C1orf35: variants seen among roughly 807,000 people sequenced by gnomAD.
The protein encoded by C1orf35 is chromosome 1 open reading frame 35, also known as multiple myeloma tumor-associated protein 2.
In C1orf35, 36 loss-of-function variants were observed where a neutral mutation model predicts 30.9. That is an observed-to-expected ratio of 1.16 (90% confidence interval 0.89 to 1.54). The LOEUF (loss-of-function observed/expected upper bound fraction) is 1.54, where lower values mean the gene tolerates loss of function less well. Ranked by LOEUF, C1orf35 falls within the 40% of genes most tolerant of loss-of-function variation. C1orf35 has a pLI of 0.00. For missense variants in C1orf35, 396 were observed against 358.7 expected, an observed-to-expected ratio of 1.10 and a Z score of -0.84; for synonymous variants, 179 against 148.2, an observed-to-expected ratio of 1.21 and a Z score of -1.51.
In C1orf35 at chr1:228,102,637, A is replaced by G; in HGVS notation, c.291+6T>C. On this transcript the variant is annotated splice_donor_region_variant and intron_variant, in intron 3 of 7. Transcript: ENST00000272139. ...CCTCCACGCGCCCCCCACCCCGGGGAGTTACCTCCTTGCTCAGGCCCGTGG... is the reference window on the plus strand; with the variant it reads ...CCTCCACGCGCCCCCCACCCCGGGGGGTTACCTCCTTGCTCAGGCCCGTGG... The G allele has an allele frequency of 6.2e-7, 1 of 1,602,742 alleles. No homozygotes were observed. Among genetic ancestry groups the G allele is most frequent in the Non-Finnish European group, 8.5e-7 (1 of 1,176,530 alleles).
intron 4 of C1orf35, 21 bp downstream of exon 4, chr1:228,102,457 C>T: frequency 6.4e-7 from 1 of 1,564,908 alleles, no homozygotes; most frequent in Non-Finnish European, 8.6e-7. Context: ...GTGCTGCCCT[C>T]CCCTGGAAAC....
In C1orf35 at chr1:228,101,499, T is replaced by G. The variant is rs768680527; in HGVS notation, c.534-26A>C. On this transcript the variant is annotated intron_variant, in intron 6 of 7. Transcript: ENST00000272139. The stretch of plus-strand genomic sequence containing the variant: ...CTACAAGGAGGATACAAGGTGTGCC[T>G]CAGACCCTAGTCTTGCAAGCCAAGA... 17 of 1,608,760 alleles carry G rather than the reference T, an allele frequency of 1.1e-5. No homozygotes were observed. In the South Asian group the frequency reaches 1.2e-4, roughly 11 times the overall value.
In C1orf35 at chr1:228,101,624, A is replaced by T. The variant is rs553355923; in HGVS notation, c.534-151T>A. The T allele has an allele frequency of 1.9e-5, 28 of 1,490,176 alleles. No individual in the cohort carries two copies. In the South Asian group the frequency reaches 3.7e-4, roughly 20 times the overall value. The allele number at this position is 1,490,176 out of a possible 1,614,324, so 92.3% of individuals were successfully genotyped here. A position where few individuals can be genotyped will look rare whatever the true frequency, so the allele number is the denominator to read the frequency against. On this transcript the variant is annotated intron_variant, in intron 6 of 7. Coordinates refer to ENST00000272139, the MANE Select transcript of C1orf35 (RefSeq NM_024319.4). Reference sequence around the variant, plus strand: ...TACAAATTCCACTCCTCAGTTACGTAGTCACGTGGCCAGTGGCTACGTGGG... The same window carrying T: ...TACAAATTCCACTCCTCAGTTACGTTGTCACGTGGCCAGTGGCTACGTGGG...
In C1orf35 at chr1:228,101,380, C is replaced by T; in HGVS notation, c.627G>A (p.Arg209=). The T allele has an allele frequency of 1.9e-6, 3 of 1,614,136 alleles. No individual in the cohort carries two copies. The highest frequency in any genetic ancestry group is 2.5e-6 in the Non-Finnish European group (3 of 1,180,040). ...GAGAGGAGGTGGCCTCAGCTGGCCGCCTGTGCTCTTTGTCTTTCTTCTTCT... is the reference window on the plus strand; with the variant it reads ...GAGAGGAGGTGGCCTCAGCTGGCCGTCTGTGCTCTTTGTCTTTCTTCTTCT... ...KEKKKKDKEH[R]RPAEATSSPT... The change falls in exon 7 of 8, where the codon AGG becomes AGA. Residue 209 remains arginine (R), a synonymous_variant. Coordinates refer to ENST00000272139, the MANE Select transcript of C1orf35 (RefSeq NM_024319.4).
chr1:228,102,635 G>A lies in C1orf35; in HGVS notation c.291+8C>T, dbSNP rs1419180748. On this transcript the variant is annotated splice_region_variant and intron_variant, in intron 3 of 7. Coordinates refer to ENST00000272139, the MANE Select transcript of C1orf35 (RefSeq NM_024319.4). The stretch of plus-strand genomic sequence containing the variant: ...GCCCTCCACGCGCCCCCCACCCCGG[G>A]GAGTTACCTCCTTGCTCAGGCCCGT... The A allele has an allele frequency of 1.9e-6, 3 of 1,602,502 alleles. No homozygotes were observed. The highest frequency in any genetic ancestry group is 1.8e-4 in the Middle Eastern group (1 of 5,656).
chr1:228,102,833 C>A, intron 2 of C1orf35, 66 bp downstream of exon 2: 2 of 1,389,930 alleles, frequency 1.4e-6, no homozygotes, highest in South Asian at 3.2e-5. Context: ...AGTCCCCGGC[C>A]CCGGCCCCAC....
Position 228,102,120 on chromosome 1 carries a change from C to T in C1orf35, c.493G>A (p.Ala165Thr). ...SGGPGTSAAS[A>T]RRKPRAEDQT... ...TCCTCCGCCCGCGGCTTCCTCCTGGCCGAGGCTGCCGAGGTCCCGGGCCCG... is the reference window on the plus strand; with the variant it reads ...TCCTCCGCCCGCGGCTTCCTCCTGGTCGAGGCTGCCGAGGTCCCGGGCCCG... Residue 165 changes from alanine (A) to threonine (T), a missense_variant, in exon 6 of 8, where the codon GCC (alanine) becomes ACC (threonine). Ala to Thr is a moderately conservative substitution (Grantham distance 58, BLOSUM62 0). Coordinates refer to ENST00000272139, the MANE Select transcript of C1orf35 (RefSeq NM_024319.4). The T allele has an allele frequency of 1.3e-6, 2 of 1,575,830 alleles. No homozygotes were observed. Among genetic ancestry groups the T allele is most frequent in the Non-Finnish European group, 1.7e-6 (2 of 1,169,036 alleles).
At chr1:228,101,933 G>T in intron 6 of C1orf35, 147 bp downstream of exon 6, 1 of 1,426,064 alleles carries the variant, frequency 7.0e-7, no homozygotes, top group Non-Finnish European at 9.1e-7. Context: ...AAACCTAGGA[G>T]TAACTGGGAC....
At position 228,102,904 on chromosome 1, in the gene C1orf35, G is replaced by A. The variant is rs755448573; in HGVS notation, c.240C>T (p.Ala80=). Residue 80 remains alanine, a synonymous_variant, in exon 2 of 8, where the codon GCC becomes GCT. Coordinates refer to ENST00000272139, the MANE Select transcript of C1orf35 (RefSeq NM_024319.4). ...TGCCGTCCGCGGACACTCACAGGGCGGCCAGCAGCGCCTCGCGCTCCGCCT... is the reference window on the plus strand; with the variant it reads ...TGCCGTCCGCGGACACTCACAGGGCAGCCAGCAGCGCCTCGCGCTCCGCCT... ...VREAEREALL[A]ALGYKNVKKQ... 236 of 1,473,400 alleles carry A rather than the reference G, an allele frequency of 1.6e-4. No individual in the cohort carries two copies. The Middle Eastern group carries it at 2.0e-3, about 13-fold the overall frequency. The allele number at this position is 1,473,400 out of a possible 1,614,324, so 91.3% of individuals were successfully genotyped here.
chr1:228,101,239 G>A lies in C1orf35; in HGVS notation c.684C>T (p.His228=), dbSNP rs1442321251. 3.1e-6 allele frequency: 5 copies of A among 1,614,056 alleles called. No individual in the cohort carries two copies. The highest frequency in any genetic ancestry group is 4.2e-6 in the Non-Finnish European group (5 of 1,180,052). ...AGGGGGAGTTGGAGTCGGAGTCATGGTGGTGGTGCCTGGGCCTGGGGAGAC... is the reference window on the plus strand; with the variant it reads ...AGGGGGAGTTGGAGTCGGAGTCATGATGGTGGTGCCTGGGCCTGGGGAGAC... ...PTSPERPRHH[H]HDSDSNSPCC... is the part of the protein sequence containing the mutation. Residue 228 remains histidine, a synonymous_variant, in exon 8 of 8, where the codon CAC becomes CAT. Transcript: ENST00000272139.
rs916737006 is a variant in C1orf35, at chr1:228,101,334, C to T, written c.668+5G>A. 1 of 1,614,180 alleles carries T rather than the reference C, an allele frequency of 6.2e-7. No individual in the cohort carries two copies. Among genetic ancestry groups the T allele is most frequent in the African/African-American group, 1.3e-5 (1 of 75,048 alleles). ...CCCAAGAGGCAGATATGGACCAGGG[C>T]ATACCTCTCAGGAGATGTGGGAGAG... On this transcript the variant is annotated splice_donor_5th_base_variant and intron_variant, in intron 7 of 7. Coordinates refer to ENST00000272139, the MANE Select transcript of C1orf35 (RefSeq NM_024319.4).
Position 228,102,067 on chromosome 1 carries a change from G to C in C1orf35, c.533+13C>G, listed in dbSNP as rs773046979. 6.4e-7 allele frequency: 1 copy of C among 1,551,728 alleles called. No individual in the cohort carries two copies. Among genetic ancestry groups the C allele is most frequent in the Non-Finnish European group, 8.7e-7 (1 of 1,155,890 alleles). ...ACCCCGGGGCACAGCTAGCCCAGGT[G>C]GCACAGCCTCACCTGCTTTCCGTCT... On this transcript the variant is annotated intron_variant, in intron 6 of 7. Transcript: ENST00000272139.
rs1219171703 is a variant in C1orf35 at position 228,101,208 on chromosome 1, T to TA, written c.714dup (p.Lys239Ter). The stretch of plus-strand genomic sequence containing the variant: ...CCACTGTGTCCCCGCTTCCTCCTCT[T>TA]ACAGCAGGGGGAGTTGGAGTCGGAG... On this transcript the variant is annotated frameshift_variant, in exon 8 of 8. Coordinates refer to ENST00000272139, the MANE Select transcript of C1orf35 (RefSeq NM_024319.4). LOFTEE classifies it low-confidence loss of function (END_TRUNC). The TA allele has an allele frequency of 6.2e-7, 1 of 1,614,140 alleles. No homozygotes were observed. Among genetic ancestry groups the TA allele is most frequent in the Non-Finnish European group, 8.5e-7 (1 of 1,180,018 alleles).
intron 5 of C1orf35, 34 bp from the exon 6 acceptor site, chr1:228,102,199 C>T (rs754125957): frequency 1.3e-6 from 2 of 1,564,404 alleles, no homozygotes; most frequent in African/African-American, 1.4e-5. Context: ...GAGGAGTCTG[C>T]GGGCCGGCCC....
At chr1:228,101,799 T>C in intron 6 of C1orf35, 1 of 1,409,174 alleles carries the variant, frequency 7.1e-7, no homozygotes, top group Non-Finnish European at 9.2e-7. Context: ...GCCCTGGAGG[T>C]GCCACCCACG....
intron 6 of C1orf35, 43 bp downstream of exon 6, chr1:228,102,037 C>A (rs764490059): frequency 9.9e-5 from 148 of 1,489,580 alleles, no homozygotes; most frequent in Non-Finnish European, 1.2e-4. Context: ...CTCCCGAGAC[C>A]CCCCACCCCG....
chr1:228,102,013 G>GC (rs2032978809), intron 6 of C1orf35, 67 bp downstream of exon 6: 12 of 1,447,340 alleles, frequency 8.3e-6, no homozygotes, highest in Non-Finnish European at 1.1e-5. Flanking sequence ...GCCCGAGTGG[G>GC]AGCCGCTCCG....
Position 228,103,279 on chromosome 1 carries a change from C to CAACCCGA in C1orf35, c.-59_-53dup, listed in dbSNP as rs1225714787. 6.3e-7 allele frequency: 1 copy of CAACCCGA among 1,588,698 alleles called. No homozygotes were observed. The highest frequency in any genetic ancestry group is 2.3e-5 in the East Asian group (1 of 43,736). On this transcript the variant is annotated 5_prime_UTR_variant, in exon 1 of 8. Coordinates refer to ENST00000272139, the MANE Select transcript of C1orf35 (RefSeq NM_024319.4). ...CCTGCGGCTTGCAACCTGCAACCCG[C>CAACCCGA]AACCCGAGACCCGCTACCCACTACC... is the stretch of plus-strand genomic sequence containing the variant.
At chr1:228,101,978 G>A (rs2032977744) in intron 6 of C1orf35, 102 bp downstream of exon 6, 11 of 1,428,500 alleles carry the variant, frequency 7.7e-6, no homozygotes, top group African/African-American at 2.9e-5. Flanking sequence ...CCGCCGGGCC[G>A]GTGCGCCAAG....
Sources: gnomAD v4.1 joint callset for allele counts on GRCh38, gnomAD v4.1.1 for gene constraint, MANE v1.5 for transcripts, NCBI Gene and HGNC (gene_info 2026-07-23, HGNC 2026-07-21) for gene names.